Variants in SWT1 observed in about 807,000 individuals in gnomAD.
SWT1 encodes the protein SWT1 RNA endoribonuclease homolog.
SWT1 carries 33 observed loss-of-function variants against 107.3 expected under a neutral mutation model. That is an observed-to-expected ratio of 0.31 (90% CI 0.23 to 0.41). SWT1 has a LOEUF of 0.41. Ranked by LOEUF, SWT1 falls within the 10% of genes least tolerant of loss-of-function variation. The pLI, the probability that SWT1 is intolerant of heterozygous loss-of-function variation, is 1.00. For synonymous variants in SWT1, 345 were observed against 348.3 expected, an observed-to-expected ratio of 0.99 and a Z score of 0.11; for missense variants, 898 against 1,028.9, an observed-to-expected ratio of 0.87 and a Z score of 1.74.
chr1:185,177,629 A>G (rs1457484203), intron 5 of SWT1, among the ~76,000 whole-genome samples: 1 of 152,150 alleles, frequency 6.6e-6, no homozygotes, highest in Non-Finnish European at 1.5e-5. Flanking sequence ...TTTACCCACT[A>G]ATTCCTCAGT....
chr1:185,226,995 A>G (rs1257438630), intron 15 of SWT1: 18 of 876,068 alleles, frequency 2.1e-5, no homozygotes, highest in East Asian at 4.8e-5. Flanking sequence ...CTCCTCCATC[A>G]TGTCTGGAGT....
intron 9 of SWT1, among the ~76,000 whole-genome samples, chr1:185,188,723 T>C (rs1656701035): frequency 6.6e-6 from 1 of 152,178 alleles, no homozygotes; most frequent in African/African-American, 2.4e-5. Flanking sequence ...GAGAGAAAAA[T>C]GATTATAAAC....
At chr1:185,231,948 T>A (rs1414075359) in intron 16 of SWT1, among the ~76,000 whole-genome samples, 2 of 152,188 alleles carry the variant, frequency 1.3e-5, no homozygotes, top group Non-Finnish European at 2.9e-5. Context: ...AACACAAAAA[T>A]ACTGTTCTTT....
chr1:185,176,494 G>T lies in SWT1; in HGVS notation c.966+1381G>T, dbSNP rs1054055043. 8.0e-6 allele frequency: 7 copies of T among 880,378 alleles called. No individual in the cohort carries two copies. In the African/African-American group the frequency reaches 1.3e-4, roughly 16 times the overall value. 54.5% of individuals were successfully genotyped at this position (880,378 alleles called of 1,614,324 possible). On this transcript the variant is annotated intron_variant, in intron 5 of 18. Transcript: ENST00000367500. ...CACATCTATTTTGCTTTAAAATTAT[G>T]TAATGTAATTGCCATTTATGGACTA...
rs186146406 is a variant in SWT1, at chr1:185,231,549, A to G, written c.2310-28A>G. 8 of 1,551,762 alleles carry G rather than the reference A, an allele frequency of 5.2e-6. No homozygotes were observed. In the East Asian group the frequency reaches 6.7e-5, roughly 13 times the overall value. ...TTACATTAAATATGTATGTATACCTATGAGTATCTTTTTTTTCTCTATTTT... is the reference window on the plus strand; with the variant it reads ...TTACATTAAATATGTATGTATACCTGTGAGTATCTTTTTTTTCTCTATTTT... On this transcript the variant is annotated intron_variant, in intron 15 of 18. Coordinates refer to ENST00000367500, the MANE Select transcript of SWT1 (RefSeq NM_017673.7).
chr1:185,165,981 T>C (rs780122206), intron 2 of SWT1, among the ~76,000 whole-genome samples: 1 of 152,196 alleles, frequency 6.6e-6, no homozygotes, highest in Non-Finnish European at 1.5e-5. Context: ...CTCCCAGCCT[T>C]TTCTGTTTCC....
rs573365086 is a variant in SWT1 at position 185,164,173 on chromosome 1, CT to C, written c.85-2385del. ...TGAGCAGTAATATTTTGAAAGGAAT[CT>C]TTTTTTTTTTTTTCTGAACAGTAGG... is the stretch of plus-strand genomic sequence containing the variant. On this transcript the variant is annotated intron_variant, in intron 2 of 18. Transcript: ENST00000367500. Among the ~76,000 whole-genome samples the C allele has an allele frequency of 7.2e-3, 1,027 of 143,396 alleles. 7 individuals carry two copies. Among genetic ancestry groups the C allele is most frequent in the Non-Finnish European group, 9.6e-3 (626 of 64,974 alleles). The allele number at this position is 143,396 out of a possible 152,430, so 94.1% of individuals were successfully genotyped here.
intron 11 of SWT1, among the ~76,000 whole-genome samples, chr1:185,204,233 G>A (rs1658123137): frequency 2.6e-5 from 4 of 151,626 alleles, no homozygotes; most frequent in African/African-American, 9.7e-5. Flanking sequence ...AGCCAAGATC[G>A]CGCCACTGCA....
chr1:185,178,563 A>G (rs1263240422), intron 5 of SWT1, among the ~76,000 whole-genome samples: 7 of 152,188 alleles, frequency 4.6e-5, no homozygotes, highest in African/African-American at 9.7e-5. Flanking sequence ...GGGGGAGGCA[A>G]ACAGTTAAAT....
At chr1:185,208,960 G>A (rs1658551106) in intron 13 of SWT1, among the ~76,000 whole-genome samples, 1 of 151,882 alleles carries the variant, frequency 6.6e-6, no homozygotes, top group Non-Finnish European at 1.5e-5. Context: ...TTAGTTCATT[G>A]GTGGAGACAC....
intron 11 of SWT1, among the ~76,000 whole-genome samples, chr1:185,203,673 C>T (rs1462397218): frequency 1.3e-5 from 2 of 150,416 alleles, no homozygotes; most frequent in Non-Finnish European, 3.0e-5. Context: ...TTTTTTTCAC[C>T]AGAATAATCT....
intron 16 of SWT1, chr1:185,262,368 A>C (rs1357425333): frequency 2.0e-5 from 3 of 152,254 alleles, no homozygotes. Context: ...CAGCATCCCA[A>C]GTACTAAGAT....
At chr1:185,232,193 T>G (rs1029170781) in intron 16 of SWT1, among the ~76,000 whole-genome samples, 2 of 152,168 alleles carry the variant, frequency 1.3e-5, no homozygotes, top group Admixed American at 1.3e-4. Context: ...CACCCTTAAG[T>G]TATTAATGAA....
intron 2 of SWT1, among the ~76,000 whole-genome samples, chr1:185,164,173 C>CT (rs573365086): frequency 0.046 from 6,610 of 143,182 alleles, 181 homozygotes; most frequent in Non-Finnish European, 0.064. Context: ...TGAAAGGAAT[C>CT]TTTTTTTTTT....
intron 7 of SWT1, among the ~76,000 whole-genome samples, chr1:185,183,243 C>T (rs1025940744): frequency 6.6e-6 from 1 of 151,600 alleles, no homozygotes; most frequent in African/African-American, 2.4e-5. Flanking sequence ...TATGCAATAA[C>T]AATGCTAGAA....
intron 13 of SWT1, among the ~76,000 whole-genome samples, chr1:185,211,903 G>T (rs1658841940): frequency 6.6e-6 from 1 of 152,154 alleles, no homozygotes; most frequent in Non-Finnish European, 1.5e-5. Context: ...CATGTCCTTT[G>T]TAGGGACATG....
At chr1:185,177,624 C>T (rs553253664) in intron 5 of SWT1, among the ~76,000 whole-genome samples, 47 of 152,094 alleles carry the variant, frequency 3.1e-4, no homozygotes, top group African/African-American at 1.1e-3. Context: ...TATGTTTTAC[C>T]CACTAATTCC....
chr1:185,220,684 A>C (rs984280761), intron 14 of SWT1, among the ~76,000 whole-genome samples: 1 of 152,196 alleles, frequency 6.6e-6, no homozygotes, highest in Non-Finnish European at 1.5e-5. Flanking sequence ...CTAAAAAACA[A>C]ACATATTCTG....
intron 17 of SWT1, among the ~76,000 whole-genome samples, chr1:185,272,956 C>T (rs549021109): frequency 3.3e-5 from 5 of 151,674 alleles, no homozygotes; most frequent in Non-Finnish European, 7.4e-5. Flanking sequence ...TTATTTGAGT[C>T]CGGGAGGTCA....
Sources: gnomAD v4.1 joint callset for allele counts (sites outside exome capture counted in the v4.1 genomes callset) on GRCh38, gnomAD v4.1.1 for gene constraint, MANE v1.5 for transcripts, NCBI Gene and HGNC (gene_info 2026-07-23, HGNC 2026-07-21) for gene names.